OBSL1: variants seen among roughly 807,000 people sequenced by gnomAD.
OBSL1 encodes obscurin-like protein 1.
OBSL1 carries 160 observed loss-of-function variants against 172.0 expected under a neutral mutation model. The observed-to-expected ratio is 0.93, with a 90% CI of 0.82 to 1.06. The LOEUF (loss-of-function observed/expected upper bound fraction) is 1.06. OBSL1 is among the 50% of genes least tolerant of loss of function. The probability of loss-of-function intolerance (pLI) is 0.00; values close to 1 mark genes in which losing one functional copy is unlikely to be tolerated. For missense variants in OBSL1, 2,681 were observed against 2,715.4 expected, an observed-to-expected ratio of 0.99 and a Z score of 0.28; for synonymous variants, 1,200 against 1,196.3, an observed-to-expected ratio of 1.00 and a Z score of -0.06.
Position 219,556,147 on chromosome 2 carries a change from A to G in OBSL1, c.4482T>C (p.Ser1494=), listed in dbSNP as rs765474441. The change falls in exon 14 of 21, where the codon TCT becomes TCC. Residue 1494 remains serine, a synonymous_variant. Transcript: ENST00000404537. ...VRGGQPLPHD[S]RLSMAQDGHI... ...GCCCATCCTGGGCCATGGACAGGCGAGAGTCGTGGGGCAGGGGCTGCCCAC... is the reference window on the plus strand; with the variant it reads ...GCCCATCCTGGGCCATGGACAGGCGGGAGTCGTGGGGCAGGGGCTGCCCAC... 3 of 1,613,704 alleles carry G rather than the reference A, an allele frequency of 1.9e-6. No homozygotes were observed. Among genetic ancestry groups the G allele is most frequent in the Admixed American group, 3.3e-5 (2 of 59,990 alleles).
intron 9 of OBSL1, 145 bp downstream of exon 9, chr2:219,559,080 G>A (rs991136890): frequency 1.1e-5 from 8 of 759,224 alleles, no homozygotes; most frequent in Non-Finnish European, 1.5e-5. Flanking sequence ...ACCTGATGTG[G>A]CTAAGCAGGA....
chr2:219,553,636 C>T lies in OBSL1; in HGVS notation c.4927G>A (p.Gly1643Ser), dbSNP rs774043639. ...TCGCACTCGAACGTAGCTGTGTCGCCCTCGGTCACCTCTAGGTCGTGTGGC... is the reference window on the plus strand; with the variant it reads ...TCGCACTCGAACGTAGCTGTGTCGCTCTCGGTCACCTCTAGGTCGTGTGGC... ...RGPHDLEVTE[G>S]DTATFECELS... Residue 1643 changes from glycine (G) to serine (S), a missense_variant, in exon 16 of 21, where the codon GGC becomes AGC. By Grantham distance (56) the Gly-to-Ser change is moderately conservative (BLOSUM62 0). Transcript: ENST00000404537. The T allele has an allele frequency of 3.1e-5, 50 of 1,613,894 alleles. No individual in the cohort carries two copies. The highest frequency in any genetic ancestry group is 4.2e-5 in the Non-Finnish European group (50 of 1,179,888).
downstream of OBSL1, chr2:219,550,643 A>G (rs1365536389): frequency 5.9e-6 from 4 of 680,450 alleles, no homozygotes; most frequent in Non-Finnish European, 9.8e-6. Context: ...TACAAGCACT[A>G]CAGCCCTCGG....
chr2:219,561,944 C>T (rs1210538573), intron 8 of OBSL1: 6 of 717,392 alleles, frequency 8.4e-6, no homozygotes, highest in Admixed American at 4.0e-5. Context: ...GCCGGGTCTT[C>T]GGCTTTTTCA....
rs1309055822 is a variant in OBSL1, at chr2:219,552,694, C to T, written c.5150G>A (p.Arg1717His). The T allele has an allele frequency of 6.6e-7, 1 of 1,521,588 alleles. No individual in the cohort carries two copies. The highest frequency in any genetic ancestry group is 1.7e-4 in the Middle Eastern group (1 of 5,720). The allele number at this position is 1,521,588 out of a possible 1,614,324, so 94.3% of individuals were successfully genotyped here. A position where few individuals can be genotyped will look rare whatever the true frequency, so the allele number is the denominator to read the frequency against. The change falls in exon 18 of 21, where the codon CGT (arginine) becomes CAT (histidine). Residue 1717 changes from arginine to histidine, a missense_variant. Arg to His is a conservative substitution (Grantham distance 29, BLOSUM62 0). Transcript: ENST00000404537. Reference protein sequence around the residue: ...AGPVRLTVRERTVAVLSELRS... With the variant: ...AGPVRLTVREHTVAVLSELRS... Reference sequence around the variant, plus strand: ...CAGCTCGGAGAGTACCGCCACAGTACGCTCTGGGGCGGAGCCCGGGGCGTG... The same window carrying T: ...CAGCTCGGAGAGTACCGCCACAGTATGCTCTGGGGCGGAGCCCGGGGCGTG...
At position 219,551,650 on chromosome 2, in the gene OBSL1, A is replaced by T. The variant is rs746772509; in HGVS notation, c.5562T>A (p.Tyr1854Ter). The change falls in exon 20 of 21, where the codon TAT (tyrosine) becomes TAA (stop). Residue 1854 changes from tyrosine (Y) to a stop codon, truncating the protein, a stop_gained. Transcript: ENST00000404537. LOFTEE classifies it high-confidence loss of function. The part of the protein sequence containing the change: ...EGAELCPGDK[Y>*]EMRSHGPTHS... ...GGGTGGGGCCGTGGCTGCGCATCTCATACTTATCTCCCGGGCACAGCTCGG... is the reference window on the plus strand; with the variant it reads ...GGGTGGGGCCGTGGCTGCGCATCTCTTACTTATCTCCCGGGCACAGCTCGG... The T allele has an allele frequency of 6.2e-7, 1 of 1,611,768 alleles. No individual in the cohort carries two copies.
chr2:219,565,571 C>T (rs1446227920), intron 5 of OBSL1, 57 bp from the exon 6 acceptor site: 16 of 1,550,366 alleles, frequency 1.0e-5, no homozygotes, highest in Admixed American at 5.1e-5. Context: ...GGCTCAGTGT[C>T]GGATGCATCA....
In OBSL1 at chr2:219,570,452, T is replaced by C. The variant is rs1215937073; in HGVS notation, c.781A>G (p.Lys261Glu). The C allele has an allele frequency of 1.5e-5, 24 of 1,613,016 alleles. No individual in the cohort carries two copies. The highest frequency in any genetic ancestry group is 2.0e-5 in the Non-Finnish European group (24 of 1,179,550). The change falls in exon 1 of 21, where the codon AAG (lysine) becomes GAG (glutamate). Residue 261 changes from lysine (K) to glutamate (E), a missense_variant. Coordinates refer to ENST00000404537, the MANE Select transcript of OBSL1 (RefSeq NM_015311.3). ...ACGTAGCAGCGGAACTTGGCGTGCT[T>C]GCCCTCGTTCACCCAGAAGGTCTTA... ...APKTFWVNEG[K>E]HAKFRCYVMG... is the part of the protein sequence containing the mutation.
chr2:219,557,603 A>G lies in OBSL1; in HGVS notation c.3806T>C (p.Val1269Ala). The part of the protein sequence containing the change: ...TVQVAEPPVR[V>A]VAPEAAQTRV... The stretch of plus-strand genomic sequence containing the variant: ...CGTCTGGGCTGCCTCGGGAGCTACC[A>G]CCCGCACAGGGGGCTCTGTGGAGTC... Residue 1269 changes from valine (V) to alanine (A), a missense_variant, in exon 12 of 21, where the codon GTG becomes GCG. Physicochemically the swap from Val to Ala is moderately conservative, Grantham distance 64 (BLOSUM62 0). Around this residue, in one of 5 missense-constraint regions of OBSL1, gnomAD observed 1,765 missense variants for 1,748.3 expected, o/e 1.01. Coordinates refer to ENST00000404537, the MANE Select transcript of OBSL1 (RefSeq NM_015311.3). 1 of 1,543,066 alleles carries G rather than the reference A, an allele frequency of 6.5e-7. No homozygotes were observed. The highest frequency in any genetic ancestry group is 1.2e-5 in the South Asian group (1 of 83,652).
Position 219,558,007 on chromosome 2 carries a change from G to T in OBSL1, c.3606C>A (p.Ala1202=). The change falls in exon 11 of 21, where the codon GCC becomes GCA. Residue 1202 remains alanine (A), a synonymous_variant. Transcript: ENST00000404537. Reference sequence around the variant, plus strand: ...TCCCATTGTGGCTCCAGACCACGGGGGCGCCAGCCCGGGACAGTTCACAGC... The same window carrying T: ...TCCCATTGTGGCTCCAGACCACGGGTGCGCCAGCCCGGGACAGTTCACAGC... ...VLSCELSRAG[A]PVVWSHNGRP... 1.2e-6 allele frequency: 2 copies of T among 1,612,706 alleles called. No individual in the cohort carries two copies. Among genetic ancestry groups the T allele is most frequent in the Non-Finnish European group, 1.7e-6 (2 of 1,179,644 alleles).
At position 219,563,727 on chromosome 2, in the gene OBSL1, T is replaced by C. The variant is rs1013782288; in HGVS notation, c.2408-100A>G. The C allele has an allele frequency of 1.6e-5, 22 of 1,339,172 alleles. No individual in the cohort carries two copies. In the East Asian group the frequency reaches 5.1e-4, roughly 31 times the overall value. 83.0% of individuals were successfully genotyped at this position (1,339,172 alleles called of 1,614,324 possible). On this transcript the variant is annotated intron_variant, in intron 6 of 20. Transcript: ENST00000404537. ...ACACTGTTTCTGCACAAGAGGACACTGGAGGAGGGCTAAGGTCCTGCTGTG... is the reference window on the plus strand; with the variant it reads ...ACACTGTTTCTGCACAAGAGGACACCGGAGGAGGGCTAAGGTCCTGCTGTG...
intron 12 of OBSL1, chr2:219,556,972 G>A: frequency 3.8e-6 from 2 of 521,196 alleles, no homozygotes; most frequent in South Asian, 7.0e-5. Flanking sequence ...CAATTACCAG[G>A]GACCCTATTT....
At chr2:219,559,612 A>G in intron 8 of OBSL1, 115 bp from the exon 9 acceptor site, 2 of 859,958 alleles carry the variant, frequency 2.3e-6, no homozygotes, top group Middle Eastern at 3.1e-4. Flanking sequence ...TAAGTAAAAT[A>G]ATAATAAGCA....
chr2:219,566,929 G>T lies in OBSL1; in HGVS notation c.2035C>A (p.His679Asn). 6.2e-7 allele frequency: 1 copy of T among 1,613,744 alleles called. No individual in the cohort carries two copies. ...TTGACGGCATGCAGGATGAGTCTGT[G>T]CTGCAGACCCTTCTGCTCTATACGG... ...RYRIEQKGLQ[H>N]RLILHAVKHQ... The change falls in exon 5 of 21, where the codon CAC becomes AAC. Residue 679 changes from histidine (H) to asparagine (N), a missense_variant. Around this residue, in one of 5 missense-constraint regions of OBSL1, gnomAD observed 1,765 missense variants for 1,748.3 expected, o/e 1.01. Transcript: ENST00000404537.
rs780179113 is a variant in OBSL1, at chr2:219,554,566, C to A, written c.4784G>T (p.Arg1595Leu). The change falls in exon 15 of 21, where the codon CGA (arginine) becomes CTA (leucine). Residue 1595 changes from arginine (R) to leucine (L), a missense_variant. This residue lies in a region of OBSL1 where 1,765 missense variants were observed against 1,748.3 expected (regional missense o/e 1.01). Coordinates refer to ENST00000404537, the MANE Select transcript of OBSL1 (RefSeq NM_015311.3). ...CHIHSDGHRH[R>L]LVLNGLGLAD... ...CAGGCCCAGGCCATTGAGTACCAGT[C>A]GGTGACGGTGGCCGTCCGAGTGGAT... 6.2e-7 allele frequency: 1 copy of A among 1,613,436 alleles called. No homozygotes were observed. Among genetic ancestry groups the A allele is most frequent in the South Asian group, 1.1e-5 (1 of 91,070 alleles).
In OBSL1 at chr2:219,570,786, G is replaced by T. The variant is rs777235110; in HGVS notation, c.447C>A (p.Cys149Ter). 3 of 1,495,046 alleles carry T rather than the reference G, an allele frequency of 2.0e-6. No homozygotes were observed. In the South Asian group the frequency reaches 3.8e-5, roughly 19 times the overall value. The allele number at this position is 1,495,046 out of a possible 1,614,324, so 92.6% of individuals were successfully genotyped here. ...VLRGAEVVLTCRAGGLPEPTL... is the reference protein window; with the variant it reads ...VLRGAEVVLT Reference sequence around the variant, plus strand: ...TGGGCTCGGGGAGGCCCCCCGCCCGGCACGTCAGCACCACCTCCGCCCCCC... The same window carrying T: ...TGGGCTCGGGGAGGCCCCCCGCCCGTCACGTCAGCACCACCTCCGCCCCCC... The change falls in exon 1 of 21, where the codon TGC (cysteine) becomes TGA (stop). Residue 149 changes from cysteine (C) to a stop codon, truncating the protein, a stop_gained. Coordinates refer to ENST00000404537, the MANE Select transcript of OBSL1 (RefSeq NM_015311.3). LOFTEE classifies it high-confidence loss of function.
chr2:219,551,023 C>T (rs1404100432), intron 20 of OBSL1, 181 bp from the exon 21 acceptor site: 2 of 1,463,050 alleles, frequency 1.4e-6, no homozygotes, highest in African/African-American at 1.4e-5. Flanking sequence ...AGGGGTGGGG[C>T]ACAGCGCGGC....
chr2:219,571,347 A>T lies in OBSL1; in HGVS notation c.-115T>A, dbSNP rs1384691124. ...GCGCGGCTGGGGACTGGGCGCGGGG[A>T]CCCGCGGAGCTCTCCCGGGCCTCCC... On this transcript the variant is annotated 5_prime_UTR_variant, in exon 1 of 21. Transcript: ENST00000404537. 1.6e-6 allele frequency: 1 copy of T among 628,324 alleles called. No individual in the cohort carries two copies. 38.9% of individuals were successfully genotyped at this position (628,324 alleles called of 1,614,324 possible).
rs761576373 is a variant in OBSL1 at position 219,567,845 on chromosome 2, C to T, written c.1407G>A (p.Pro469=). The change falls in exon 3 of 21, where the codon CCG becomes CCA. Residue 469 remains proline (P), a synonymous_variant. Coordinates refer to ENST00000404537, the MANE Select transcript of OBSL1 (RefSeq NM_015311.3). ...GGCCTGAGCTGCTCTGGCAGATGAC[C>T]GGCAGCTCCTCCCCATCACGGCTCC... The part of the protein sequence containing the change: ...GRWSRDGEEL[P]VICQSSSGHM... The T allele has an allele frequency of 9.9e-6, 16 of 1,613,844 alleles. No individual in the cohort carries two copies. Among genetic ancestry groups the T allele is most frequent in the South Asian group, 9.9e-5 (9 of 91,092 alleles).
Sources: gnomAD v4.1 joint callset for allele counts on GRCh38, gnomAD v4.1.1 for gene constraint, gnomAD v4.1.1 regional missense constraint, MANE v1.5 for transcripts, NCBI Gene and HGNC (gene_info 2026-07-23, HGNC 2026-07-21) for gene names.